Variants in ACSM3 observed in about 807,000 individuals in gnomAD.
ACSM3 encodes acyl-coenzyme A synthetase ACSM3, mitochondrial.
Under a neutral mutation model 74.1 loss-of-function variants are expected in ACSM3, and 61 were observed. The observed-to-expected ratio is 0.82, with a 90% CI of 0.67 to 1.02. ACSM3 has a LOEUF of 1.02. ACSM3 is among the 50% of genes least tolerant of loss of function. ACSM3 has a pLI of 0.00. For synonymous variants in ACSM3, 213 were observed against 241.5 expected, an observed-to-expected ratio of 0.88 and a Z score of 1.09; for missense variants, 660 against 697.0, an observed-to-expected ratio of 0.95 and a Z score of 0.60.
intron 1 of ACSM3, chr16:20,741,503 CGGTA>C: frequency 3.4e-6 from 5 of 1,459,298 alleles, no homozygotes; most frequent in East Asian, 2.7e-5. Context: ...ACCCCGGGAC[CGGTA>C]CCTTTTCTGG....
intron 1 of ACSM3, among the ~76,000 whole-genome samples, chr16:20,738,495 C>T (rs970766558): frequency 7.2e-5 from 11 of 151,980 alleles, no homozygotes; most frequent in African/African-American, 4.8e-5. Context: ...GGGGCTGCTC[C>T]GAAAATTTGT....
chr16:20,789,679 T>A, intron 9 of ACSM3: 1 of 620,108 alleles, frequency 1.6e-6, no homozygotes, highest in Non-Finnish European at 2.8e-6. Context: ...AGCAACTCTA[T>A]TTTTCTTTTT....
chr16:20,683,086 T>A (rs900317173), intron 1 of ACSM3, among the ~76,000 whole-genome samples: 1 of 151,782 alleles, frequency 6.6e-6, no homozygotes, highest in Non-Finnish European at 1.5e-5. Flanking sequence ...AAACATTGAC[T>A]TTTTTTTCCT....
At chr16:20,688,452 G>C (rs2079593328) in intron 1 of ACSM3, among the ~76,000 whole-genome samples, 1 of 151,944 alleles carries the variant, frequency 6.6e-6, no homozygotes, top group South Asian at 2.1e-4. Flanking sequence ...AATATGAGAA[G>C]CTCAATAAAC....
chr16:20,696,961 C>T (rs994670115), intron 1 of ACSM3, among the ~76,000 whole-genome samples: 11 of 152,178 alleles, frequency 7.2e-5, no homozygotes, highest in Admixed American at 4.6e-4. Flanking sequence ...TTCCCAGCTC[C>T]CCATAAGGAT....
chr16:20,770,029 A>G lies in ACSM3; in HGVS notation c.-6A>G, dbSNP rs1417404941. ...ATCCTGAGTGCTAAAGCTTCCAACA[A>G]GACTGATGCTAGCTCGTGTCACCAG... is the stretch of plus-strand genomic sequence containing the variant. On this transcript the variant is annotated 5_prime_UTR_variant, in exon 2 of 14. Coordinates refer to ENST00000289416, the MANE Select transcript of ACSM3 (RefSeq NM_005622.4). The G allele has an allele frequency of 3.7e-6, 6 of 1,613,926 alleles. No individual in the cohort carries two copies. In the Admixed American group the frequency reaches 1.0e-4, roughly 27 times the overall value.
chr16:20,741,761 A>G (rs1214410481), intron 1 of ACSM3: 1 of 1,556,038 alleles, frequency 6.4e-7, no homozygotes, highest in East Asian at 2.4e-5. Context: ...ACTGAGAGGA[A>G]AGAGAAACGT....
At chr16:20,677,758 T>C in intron 1 of ACSM3, among the ~76,000 whole-genome samples, 1 of 152,128 alleles carries the variant, frequency 6.6e-6, no homozygotes. Flanking sequence ...AAAGCAGAGC[T>C]AATAGCTCTG....
chr16:20,775,734 AT>A, intron 2 of ACSM3, 104 bp from the exon 3 acceptor site: 1 of 1,120,136 alleles, frequency 8.9e-7, no homozygotes, highest in Non-Finnish European at 1.3e-6. Context: ...GTTCTAACTA[AT>A]GACTTGCGAA....
intron 1 of ACSM3, chr16:20,737,001 T>G (rs1324090579): frequency 6.2e-7 from 1 of 1,614,170 alleles, no homozygotes; most frequent in African/African-American, 1.3e-5. Flanking sequence ...CCCCAGCTCC[T>G]CAGTATTCTC....
chr16:20,777,643 T>A, intron 4 of ACSM3, 63 bp downstream of exon 4: 1 of 1,423,784 alleles, frequency 7.0e-7, no homozygotes, highest in Non-Finnish European at 9.8e-7. Context: ...AAAAAGATAT[T>A]AAACCCAGCA....
At chr16:20,729,195 C>A (rs16970587) in intron 1 of ACSM3, 1 of 731,482 alleles carries the variant, frequency 1.4e-6, no homozygotes, top group South Asian at 1.5e-5. Context: ...CTGTTCTGAC[C>A]AAACTAATCC....
chr16:20,731,843 G>C, intron 1 of ACSM3: 1 of 234,828 alleles, frequency 4.3e-6, no homozygotes, highest in Middle Eastern at 1.3e-3. Context: ...TCATTATATA[G>C]GTAGAGGGCA....
chr16:20,741,481 G>T, intron 1 of ACSM3: 1 of 1,308,414 alleles, frequency 7.6e-7, no homozygotes, highest in South Asian at 1.8e-5. Flanking sequence ...CTGGCAGCCG[G>T]CCCGCCCGCC....
At chr16:20,677,952 T>TC (rs1487657650) in intron 1 of ACSM3, among the ~76,000 whole-genome samples, 2 of 151,754 alleles carry the variant, frequency 1.3e-5, no homozygotes, top group African/African-American at 4.9e-5. Flanking sequence ...GTATAGGCCT[T>TC]AAAAGATGTG....
At chr16:20,752,562 T>C (rs1010168293) in intron 2 of ACSM3, among the ~76,000 whole-genome samples, 2 of 152,226 alleles carry the variant, frequency 1.3e-5, no homozygotes, top group African/African-American at 4.8e-5. Context: ...TTCCAATCAC[T>C]TATGTCGGAA....
At chr16:20,733,442 T>C (rs2079843304) in intron 1 of ACSM3, among the ~76,000 whole-genome samples, 1 of 152,166 alleles carries the variant, frequency 6.6e-6, no homozygotes, top group African/African-American at 2.4e-5. Flanking sequence ...AAGTAAGTAC[T>C]GTATTACTAT....
At chr16:20,786,229 C>G in intron 9 of ACSM3, 71 bp downstream of exon 9, 5 of 1,531,614 alleles carry the variant, frequency 3.3e-6, no homozygotes, top group Non-Finnish European at 3.5e-6. Flanking sequence ...CGCTTACCCC[C>G]ATATAAACTT....
rs79921607 is a variant in ACSM3, at chr16:20,736,774, C to T, written c.-189-13136C>T. 4,029 of 1,113,620 alleles carry T rather than the reference C, an allele frequency of 3.6e-3. 14 individuals are homozygous for T. Among genetic ancestry groups the T allele is most frequent in the Non-Finnish European group, 4.8e-3 (3,724 of 776,508 alleles). 69.0% of individuals were successfully genotyped at this position (1,113,620 alleles called of 1,614,324 possible). ...TCACTACTGTGAGAACAGCATAATG[C>T]AGCACACAAATAAAAAACTGTTTTT... On this transcript the variant is annotated intron_variant, in intron 1 of 3. Coordinates refer to the ACSM3 transcript ENST00000561584.
Sources: allele counts gnomAD v4.1 joint callset (sites outside exome capture counted in the v4.1 genomes callset), GRCh38; gene constraint gnomAD v4.1.1; transcripts MANE v1.5; gene names NCBI Gene and HGNC (gene_info 2026-07-23, HGNC 2026-07-21).